Variants in STAT1 observed in about 807,000 individuals in gnomAD.
STAT1 encodes signal transducer and activator of transcription 1-alpha/beta.
A neutral mutation model predicts 111.7 loss-of-function variants in STAT1; 24 were observed. The observed-to-expected ratio is 0.21, with a 90% CI of 0.16 to 0.30. STAT1 has a LOEUF of 0.30. STAT1 is among the 10% of genes least tolerant of loss of function. The pLI, the probability that STAT1 is intolerant of heterozygous loss-of-function variation, is 1.00. For missense variants in STAT1, 351 were observed against 911.9 expected (o/e 0.38, Z 7.92); for synonymous variants, 332 against 326.5 (o/e 1.02, Z -0.18).
rs1292112588 is a variant in STAT1 at position 190,996,200 on chromosome 2, T to A, written c.786-981A>T. Among the ~76,000 whole-genome samples the A allele has an allele frequency of 2.6e-5, 4 of 152,216 alleles. No homozygotes were observed. Among genetic ancestry groups the A allele is most frequent in the African/African-American group, 9.7e-5 (4 of 41,448 alleles). The stretch of plus-strand genomic sequence containing the variant: ...GAGTAAACCCAGTGATTGCTCTTAG[T>A]CTTCCTTCCTTGCAGTCAACTGCTA... On this transcript the variant is annotated intron_variant, in intron 9 of 24. Transcript: ENST00000361099. This position sits in a 1 kb window ranked among gnomAD's most constrained non-coding sequence, Gnocchi z 4.5.
rs1693114132 is a variant in STAT1 at position 190,989,158 on chromosome 2, A to G, written c.1097+457T>C. Among the ~76,000 whole-genome samples the G allele has an allele frequency of 1.3e-5, 2 of 152,170 alleles. No homozygotes were observed. The highest frequency in any genetic ancestry group is 4.8e-5 in the African/African-American group (2 of 41,428). On this transcript the variant is annotated intron_variant, in intron 12 of 24. Coordinates refer to ENST00000361099, the MANE Select transcript of STAT1 (RefSeq NM_007315.4). The surrounding 1 kb of genome is among the most constrained non-coding windows in gnomAD (Gnocchi z 5.0). ...TGACCACAGAATCATGGCAGCCTGGACGTTCAGCCTCGGGTTGGATCAGGG... is the reference window on the plus strand; with the variant it reads ...TGACCACAGAATCATGGCAGCCTGGGCGTTCAGCCTCGGGTTGGATCAGGG...
rs1691820551 is a variant in STAT1 at position 190,975,286 on chromosome 2, G to C, written c.2136-354C>G. The stretch of plus-strand genomic sequence containing the variant: ...CTGGACAGAAAAGCACCAGAGAAAT[G>C]TCTGGGGAGTCCCTCATCCCTACCT... On this transcript the variant is annotated intron_variant, in intron 23 of 24. Coordinates refer to ENST00000361099, the MANE Select transcript of STAT1 (RefSeq NM_007315.4). This position sits in a 1 kb window ranked among gnomAD's most constrained non-coding sequence, Gnocchi z 5.9. The C allele has an allele frequency of 2.1e-6, 1 of 475,454 alleles. No homozygotes were observed. Among genetic ancestry groups the C allele is most frequent in the African/African-American group, 2.0e-5 (1 of 50,018 alleles). The allele number at this position is 475,454 out of a possible 1,614,324, so 29.5% of individuals were successfully genotyped here. A position where few individuals can be genotyped will look rare whatever the true frequency, so the allele number is the denominator to read the frequency against.
In STAT1 at chr2:190,980,613, T is replaced by C; in HGVS notation, c.1632+7A>G. ...CTTAGAGAGCATAAAACCCAGACAG[T>C]CCTCACCTTACAAAACCTCGTCCAC... On this transcript the variant is annotated splice_region_variant and intron_variant, in intron 19 of 24. Transcript: ENST00000361099. The surrounding 1 kb of genome is among the most constrained non-coding windows in gnomAD (Gnocchi z 6.1). 1.2e-6 allele frequency: 2 copies of C among 1,614,080 alleles called. No individual in the cohort carries two copies. The highest frequency in any genetic ancestry group is 1.7e-6 in the Non-Finnish European group (2 of 1,179,980).
Position 190,993,472 on chromosome 2 carries a change from C to T in STAT1, c.944+1589G>A, listed in dbSNP as rs1347478340. The T allele has an allele frequency of 5.0e-6, 6 of 1,193,880 alleles. No homozygotes were observed. Among genetic ancestry groups the T allele is most frequent in the Non-Finnish European group, 7.3e-6 (6 of 820,304 alleles). The allele number at this position is 1,193,880 out of a possible 1,614,324, so 74.0% of individuals were successfully genotyped here. A position where few individuals can be genotyped will look rare whatever the true frequency, so the allele number is the denominator to read the frequency against. ...TGTAGCTTTCTGTATATGTTATCAT[C>T]TGCAAACCTAAGAAGGAGGCAAGAC... On this transcript the variant is annotated intron_variant, in intron 10 of 24. Transcript: ENST00000361099. The surrounding 1 kb of genome is among the most constrained non-coding windows in gnomAD (Gnocchi z 4.1).
In STAT1 at chr2:190,971,405, A is replaced by G. The variant is rs1296398257; in HGVS notation, c.2239-688T>C. On this transcript the variant is annotated intron_variant, in intron 24 of 24. Transcript: ENST00000361099. The surrounding 1 kb of genome is among the most constrained non-coding windows in gnomAD (Gnocchi z 4.1). ...TTGTCCCATCTGGCTGTGAGGGTGC[A>G]TGTGCTTACTGGTATCTATTTGGTA... 6.6e-6 allele frequency among the ~76,000 whole-genome samples: 1 copy of G among 152,140 alleles called. No homozygotes were observed. The highest frequency in any genetic ancestry group is 1.5e-5 in the Non-Finnish European group (1 of 68,018).
At position 190,979,786 on chromosome 2, in the gene STAT1, A is replaced by C. The variant is rs772114461; in HGVS notation, c.1713T>G (p.Pro571=). ...ILELIKKHLL[P]LWNDGCIMGF... ...GTGGCCCTTACCCATCATTCCAGAG[A>C]GGGAGCAGGTGTTTTTTAATGAGTT... The change falls in exon 20 of 25, where the codon CCT becomes CCG. Residue 571 remains proline (P), a synonymous_variant. Coordinates refer to ENST00000361099, the MANE Select transcript of STAT1 (RefSeq NM_007315.4). The surrounding 1 kb of genome is among the most constrained non-coding windows in gnomAD (Gnocchi z 5.8). 45 of 1,613,264 alleles carry C rather than the reference A, an allele frequency of 2.8e-5. No individual in the cohort carries two copies. In the Middle Eastern group the frequency reaches 1.2e-3, roughly 41 times the overall value.
chr2:190,979,763 G>C lies in STAT1; in HGVS notation c.1727+9C>G, dbSNP rs973224914. ...TATGTTTCAAAATACATCTATCGGT[G>C]GCCCTTACCCATCATTCCAGAGAGG... On this transcript the variant is annotated intron_variant, in intron 20 of 24. Coordinates refer to ENST00000361099, the MANE Select transcript of STAT1 (RefSeq NM_007315.4). The surrounding 1 kb of genome is among the most constrained non-coding windows in gnomAD (Gnocchi z 5.8). The C allele has an allele frequency of 1.9e-6, 3 of 1,599,618 alleles. No homozygotes were observed. Among genetic ancestry groups the C allele is most frequent in the African/African-American group, 1.3e-5 (1 of 74,564 alleles).
In STAT1 at chr2:190,987,462, G is replaced by A. The variant is rs1384069703; in HGVS notation, c.1098-394C>T. On this transcript the variant is annotated intron_variant, in intron 12 of 24. Coordinates refer to ENST00000361099, the MANE Select transcript of STAT1 (RefSeq NM_007315.4). The surrounding 1 kb of genome is among the most constrained non-coding windows in gnomAD (Gnocchi z 4.0). Reference sequence around the variant, plus strand: ...TTATTGTTTATTGAGCAGCTACTTGGTGCAAGGCCCTGCACTAAGCACTGG... The same window carrying A: ...TTATTGTTTATTGAGCAGCTACTTGATGCAAGGCCCTGCACTAAGCACTGG... Among the ~76,000 whole-genome samples the A allele has an allele frequency of 2.0e-5, 3 of 152,174 alleles. No individual in the cohort carries two copies. The highest frequency in any genetic ancestry group is 7.2e-5 in the African/African-American group (3 of 41,426).
Position 190,996,448 on chromosome 2 carries a change from C to T in STAT1, c.786-1229G>A, listed in dbSNP as rs981283495. 6.6e-6 allele frequency among the ~76,000 whole-genome samples: 1 copy of T among 152,220 alleles called. No individual in the cohort carries two copies. Among genetic ancestry groups the T allele is most frequent in the Non-Finnish European group, 1.5e-5 (1 of 68,036 alleles). ...GGAGAAGCTAAACCAGTGTCCCCAA[C>T]TCTGCTTGCACACAGAGAAAATGAC... On this transcript the variant is annotated intron_variant, in intron 9 of 24. Transcript: ENST00000361099. This position sits in a 1 kb window ranked among gnomAD's most constrained non-coding sequence, Gnocchi z 4.5.
chr2:190,983,817 A>G lies in STAT1; in HGVS notation c.1348-77T>C, dbSNP rs549004232. ...TCAGATAACTGCTTAGCCTCAACTA[A>G]AAGCAGGGGATTATTTGTAAATTTG... On this transcript the variant is annotated intron_variant, in intron 16 of 24. Transcript: ENST00000361099. This position sits in a 1 kb window ranked among gnomAD's most constrained non-coding sequence, Gnocchi z 5.7. The G allele has an allele frequency of 8.5e-7, 1 of 1,183,028 alleles. No homozygotes were observed. The highest frequency in any genetic ancestry group is 2.3e-5 in the East Asian group (1 of 42,790). The allele number at this position is 1,183,028 out of a possible 1,614,324, so 73.3% of individuals were successfully genotyped here. A position where few individuals can be genotyped will look rare whatever the true frequency, so the allele number is the denominator to read the frequency against.
In STAT1 at chr2:190,998,259, C is replaced by T. The variant is rs776523969; in HGVS notation, c.591G>A (p.Leu197=). The change falls in exon 8 of 25, where the codon CTG becomes CTA. Residue 197 remains leucine, a synonymous_variant. Transcript: ENST00000361099. This position sits in a 1 kb window ranked among gnomAD's most constrained non-coding sequence, Gnocchi z 4.1. ...VAKSDQKQEQ[L]LLKKMYLMLD... is the part of the protein sequence containing the mutation. ...GCATTAAATACATCTTCTTGAGTAA[C>T]AGCTGTTCTTGTTTCTGATCACTCT... 1.2e-6 allele frequency: 2 copies of T among 1,613,832 alleles called. No individual in the cohort carries two copies. The highest frequency in any genetic ancestry group is 2.2e-5 in the East Asian group (1 of 44,858).
Position 190,976,657 on chromosome 2 carries a change from C to T in STAT1, c.2059+183G>A, listed in dbSNP as rs1382832465. Among the ~76,000 whole-genome samples the T allele has an allele frequency of 6.6e-6, 1 of 152,214 alleles. No individual in the cohort carries two copies. Among genetic ancestry groups the T allele is most frequent in the African/African-American group, 2.4e-5 (1 of 41,440 alleles). On this transcript the variant is annotated intron_variant, in intron 22 of 24. Transcript: ENST00000361099. The surrounding 1 kb of genome is among the most constrained non-coding windows in gnomAD (Gnocchi z 6.0). ...AAAATAGGAAATTGTCCATTCATTT[C>T]TTACTAGCTGTATCAGGCCAAATAA...
Position 190,977,416 on chromosome 2 carries a change from T to G in STAT1, c.1874-391A>C, listed in dbSNP as rs953244364. 1.3e-5 allele frequency among the ~76,000 whole-genome samples: 2 copies of G among 152,222 alleles called. No homozygotes were observed. Among genetic ancestry groups the G allele is most frequent in the African/African-American group, 2.4e-5 (1 of 41,462 alleles). ...TAAATTACTAGAGATAAACTCACTT[T>G]GTTTTTCTTTTCATATTGAAAAATC... On this transcript the variant is annotated intron_variant, in intron 21 of 24. Coordinates refer to ENST00000361099, the MANE Select transcript of STAT1 (RefSeq NM_007315.4). This position sits in a 1 kb window ranked among gnomAD's most constrained non-coding sequence, Gnocchi z 4.7.
rs1194641437 is a variant in STAT1, at chr2:190,987,310, ACAACATACTAACAGTGC to A, written c.1098-259_1098-243del. Among the ~76,000 whole-genome samples the A allele has an allele frequency of 1.3e-5, 2 of 152,330 alleles. No homozygotes were observed. Among genetic ancestry groups the A allele is most frequent in the South Asian group, 2.1e-4 (1 of 4,830 alleles). On this transcript the variant is annotated intron_variant, in intron 12 of 24. Coordinates refer to ENST00000361099, the MANE Select transcript of STAT1 (RefSeq NM_007315.4). This position sits in a 1 kb window ranked among gnomAD's most constrained non-coding sequence, Gnocchi z 4.0. ...TCTGGGCCTTACATTGTTCATTTGC[ACAACATACTAACAGTGC>A]CAACATATAGGACATCATGAGGAAT... is the stretch of plus-strand genomic sequence containing the variant.
Position 190,995,626 on chromosome 2 carries a change from G to T in STAT1, c.786-407C>A, listed in dbSNP as rs750435979. Among the ~76,000 whole-genome samples the T allele has an allele frequency of 2.6e-5, 4 of 152,164 alleles. No individual in the cohort carries two copies. Among genetic ancestry groups the T allele is most frequent in the Non-Finnish European group, 4.4e-5 (3 of 68,042 alleles). Reference sequence around the variant, plus strand: ...TTACAATTCAAGGTGAGATTTGGGTGGGGACACGGCCAAACCATATGGCAT... The same window carrying T: ...TTACAATTCAAGGTGAGATTTGGGTTGGGACACGGCCAAACCATATGGCAT... On this transcript the variant is annotated intron_variant, in intron 9 of 24. Coordinates refer to ENST00000361099, the MANE Select transcript of STAT1 (RefSeq NM_007315.4). The surrounding 1 kb of genome is among the most constrained non-coding windows in gnomAD (Gnocchi z 4.2).
Position 190,980,263 on chromosome 2 carries a change from C to T in STAT1, c.1632+357G>A, listed in dbSNP as rs892677412. Among the ~76,000 whole-genome samples the T allele has an allele frequency of 6.6e-6, 1 of 152,256 alleles. No homozygotes were observed. The highest frequency in any genetic ancestry group is 1.5e-5 in the Non-Finnish European group (1 of 68,036). On this transcript the variant is annotated intron_variant, in intron 19 of 24. Coordinates refer to ENST00000361099, the MANE Select transcript of STAT1 (RefSeq NM_007315.4). This position sits in a 1 kb window ranked among gnomAD's most constrained non-coding sequence, Gnocchi z 6.1. ...GTTCCCCGCAGTGGGCCCCTCTGCT[C>T]GAGCAGGCCGTTAAACTCGTCTGGC...
chr2:190,991,142 C>T, intron 11 of STAT1, 86 bp downstream of exon 11: 2 of 1,259,694 alleles, frequency 1.6e-6, no homozygotes, highest in South Asian at 1.2e-5. Context: ...CTCAAAAGCA[C>T]CCTATATAAC....
In STAT1 at chr2:191,002,854, T is replaced by C. The variant is rs1574666230; in HGVS notation, c.373-1691A>G. Among the ~76,000 whole-genome samples the C allele has an allele frequency of 2.6e-5, 4 of 152,182 alleles. 1 individual carries two copies. The East Asian group carries it at 7.7e-4, about 29-fold the overall frequency. On this transcript the variant is annotated intron_variant, in intron 5 of 24. Transcript: ENST00000361099. The stretch of plus-strand genomic sequence containing the variant: ...ATTCAATGTTTTTATGAGGAATGAG[T>C]ATTGAATTCTGTTAGATCTTTTCAG...
At position 190,995,012 on chromosome 2, in the gene STAT1, T is replaced by C; in HGVS notation, c.944+49A>G. ...ATCTGAATTAACGGTAAAATGTTCC[T>C]CTGTATAGACCGATTACAGAAGGTA... On this transcript the variant is annotated intron_variant, in intron 10 of 24. Coordinates refer to ENST00000361099, the MANE Select transcript of STAT1 (RefSeq NM_007315.4). The surrounding 1 kb of genome is among the most constrained non-coding windows in gnomAD (Gnocchi z 4.2). 1 of 1,582,266 alleles carries C rather than the reference T, an allele frequency of 6.3e-7. No individual in the cohort carries two copies. The highest frequency in any genetic ancestry group is 8.7e-7 in the Non-Finnish European group (1 of 1,153,622).
Sources: gnomAD v4.1 joint callset for allele counts (sites outside exome capture counted in the v4.1 genomes callset) on GRCh38, gnomAD v4.1.1 for gene constraint, Gnocchi (gnomAD v3.1) non-coding constraint, MANE v1.5 for transcripts, NCBI Gene and HGNC (gene_info 2026-07-23, HGNC 2026-07-21) for gene names.